The following GAS7 variants were observed in gnomAD, a reference collection of about 807,000 sequenced individuals.
The protein encoded by GAS7 is growth arrest specific 7.
Under a neutral mutation model 71.1 loss-of-function variants are expected in GAS7, and 28 were observed. That is an observed-to-expected ratio of 0.39 (90% CI 0.29 to 0.54). The LOEUF is 0.54. Ranked by LOEUF, GAS7 falls within the 20% of genes least tolerant of loss-of-function variation. GAS7 has a pLI of 0.62. For missense variants in GAS7, 436 were observed against 627.8 expected (o/e 0.69, Z 3.27); for synonymous variants, 258 against 245.8 (o/e 1.05, Z -0.46).
intron 1 of GAS7, among the ~76,000 whole-genome samples, chr17:10,088,407 C>A (rs1210454182): frequency 2.0e-5 from 3 of 152,020 alleles, no homozygotes; most frequent in Non-Finnish European, 1.5e-5. Flanking sequence ...ATTTTTGGCT[C>A]TAACACTCCA....
In GAS7 at chr17:9,974,434, C is replaced by T. The variant is rs534922809; in HGVS notation, c.386-4672G>A. 6.6e-6 allele frequency among the ~76,000 whole-genome samples: 1 copy of T among 151,468 alleles called. No individual in the cohort carries two copies. Among genetic ancestry groups the T allele is most frequent in the Non-Finnish European group, 1.5e-5 (1 of 67,642 alleles). On this transcript the variant is annotated intron_variant, in intron 3 of 13. Transcript: ENST00000432992. The surrounding 1 kb of genome is among the most constrained non-coding windows in gnomAD (Gnocchi z 4.0). Reference sequence around the variant, plus strand: ...AGGCGAGAAGTGGGTGCTTCTGGGGCCTCCAGCCTCTGGGGGAAGAAAAAT... The same window carrying T: ...AGGCGAGAAGTGGGTGCTTCTGGGGTCTCCAGCCTCTGGGGGAAGAAAAAT...
At chr17:9,940,762 C>T (rs2068575095) in intron 7 of GAS7, among the ~76,000 whole-genome samples, 1 of 152,238 alleles carries the variant, frequency 6.6e-6, no homozygotes, top group Non-Finnish European at 1.5e-5. Flanking sequence ...GATTCTATTT[C>T]CCTGGAGAGG....
chr17:10,134,884 G>C (rs1372180451), intron 1 of GAS7, among the ~76,000 whole-genome samples: 1 of 151,416 alleles, frequency 6.6e-6, no homozygotes, highest in African/African-American at 2.4e-5. Flanking sequence ...CCAGGCTGGA[G>C]TGCAGTGGTA....
intron 1 of GAS7, among the ~76,000 whole-genome samples, chr17:10,028,382 C>T (rs1273330545): frequency 1.3e-5 from 2 of 152,130 alleles, no homozygotes; most frequent in Non-Finnish European, 2.9e-5. Flanking sequence ...TAAATAAATA[C>T]ATTCCTGTTC....
chr17:10,054,715 T>A (rs527694225), intron 1 of GAS7, among the ~76,000 whole-genome samples: 55 of 152,302 alleles, frequency 3.6e-4, no homozygotes, highest in African/African-American at 1.3e-3. Context: ...GTCTGCTCCA[T>A]ACCACACATC....
Position 9,919,976 on chromosome 17 carries a change from T to TGTGTGTGTGC in GAS7, c.1139-272_1139-271insGCACACACAC, listed in dbSNP as rs2067741943. Reference sequence around the variant, plus strand: ...AGGATGGTGGTTCTCATTTTGTGTGTGTGTGTGTGTGTGTGTGTGTGTGTG... The same window carrying TGTGTGTGTGC: ...AGGATGGTGGTTCTCATTTTGTGTGTGTGTGTGTGCGTGTGTGTGTGTGTGTGTGTGTGTG... On this transcript the variant is annotated intron_variant, in intron 11 of 13. Transcript: ENST00000432992. The surrounding 1 kb of genome is among the most constrained non-coding windows in gnomAD (Gnocchi z 5.0). Among the ~76,000 whole-genome samples, 1 of 95,298 alleles carries TGTGTGTGTGC rather than the reference T, an allele frequency of 1.0e-5. No homozygotes were observed. The highest frequency in any genetic ancestry group is 3.3e-4 in the East Asian group (1 of 3,028). The allele number at this position is 95,298 out of a possible 152,430, so 62.5% of individuals were successfully genotyped here.
chr17:9,971,481 CTT>C (rs2069960810), intron 3 of GAS7, among the ~76,000 whole-genome samples: 1 of 152,114 alleles, frequency 6.6e-6, no homozygotes, highest in South Asian at 2.1e-4. Flanking sequence ...GGGAGGATAG[CTT>C]GAGCCTGGCA....
At chr17:10,001,145 A>G (rs1567874762) in intron 2 of GAS7, among the ~76,000 whole-genome samples, 1 of 152,126 alleles carries the variant, frequency 6.6e-6, no homozygotes, top group Non-Finnish European at 1.5e-5. Flanking sequence ...CCAAAATACA[A>G]CTAGAAGATT....
chr17:9,958,259 A>G (rs931945033), intron 5 of GAS7, among the ~76,000 whole-genome samples: 3 of 152,236 alleles, frequency 2.0e-5, no homozygotes, highest in African/African-American at 7.2e-5. Flanking sequence ...CTGACACTTC[A>G]TATAGCTAAT....
chr17:10,130,041 C>T (rs541400079), intron 1 of GAS7, among the ~76,000 whole-genome samples: 14 of 151,582 alleles, frequency 9.2e-5, no homozygotes, highest in Middle Eastern at 3.4e-3. Flanking sequence ...TGGTGGCGCG[C>T]GCCTGTAATC....
Position 9,981,953 on chromosome 17 carries a change from A to ATCTCCTTCTGCTCTGT in GAS7, c.305-70_305-69insACAGAGCAGAAGGAGA. ...GGGCAGAACCTGAGTTTCACAGAGC[A>ATCTCCTTCTGCTCTGT]GAAGGAGATGCTCAGAGCTGGAGAA... On this transcript the variant is annotated intron_variant, in intron 2 of 13. Transcript: ENST00000432992. The surrounding 1 kb of genome is among the most constrained non-coding windows in gnomAD (Gnocchi z 4.4). The ATCTCCTTCTGCTCTGT allele has an allele frequency of 1.2e-6, 1 of 867,456 alleles. No homozygotes were observed. The highest frequency in any genetic ancestry group is 2.0e-6 in the Non-Finnish European group (1 of 503,028). The allele number at this position is 867,456 out of a possible 1,614,324, so 53.7% of individuals were successfully genotyped here.
At chr17:10,166,883 C>T (rs1365281765) in intron 1 of GAS7, among the ~76,000 whole-genome samples, 3 of 152,104 alleles carry the variant, frequency 2.0e-5, no homozygotes, top group South Asian at 2.1e-4. Flanking sequence ...CCCGCAGGCA[C>T]ATTCGATCAA....
intron 1 of GAS7, among the ~76,000 whole-genome samples, chr17:10,083,167 C>T (rs1016044201): frequency 7.2e-5 from 11 of 152,174 alleles, no homozygotes; most frequent in East Asian, 3.8e-4. Context: ...TTTAAAAATA[C>T]GAATGGCAGA....
At chr17:10,139,004 G>A (rs577762228) in intron 1 of GAS7, among the ~76,000 whole-genome samples, 1 of 152,226 alleles carries the variant, frequency 6.6e-6, no homozygotes, top group South Asian at 2.1e-4. Context: ...ATCTATTTGT[G>A]CCTTTAAAAA....
intron 3 of GAS7, among the ~76,000 whole-genome samples, chr17:9,973,314 G>GT (rs1461634799): frequency 6.6e-6 from 1 of 151,730 alleles, no homozygotes; most frequent in Non-Finnish European, 1.5e-5. Flanking sequence ...GAGTGCAGTG[G>GT]GCGATCTCGG....
chr17:10,188,187 G>A (rs577437955), intron 1 of GAS7, among the ~76,000 whole-genome samples: 2 of 152,006 alleles, frequency 1.3e-5, no homozygotes, highest in East Asian at 3.9e-4. Context: ...AGGCTGCAGT[G>A]AGCCGAGATC....
intron 8 of GAS7, among the ~76,000 whole-genome samples, chr17:9,937,030 G>T (rs1236643520): frequency 6.6e-6 from 1 of 152,194 alleles, no homozygotes; most frequent in Non-Finnish European, 1.5e-5. Context: ...AGGAGATAGG[G>T]TTAAATGTCC....
At chr17:10,073,992 A>C (rs1004132711) in intron 1 of GAS7, among the ~76,000 whole-genome samples, 17 of 152,210 alleles carry the variant, frequency 1.1e-4, no homozygotes, top group African/African-American at 4.1e-4. Context: ...GGCACCTACT[A>C]TATGTCAGGC....
intron 1 of GAS7, among the ~76,000 whole-genome samples, chr17:10,101,464 C>T (rs2073697970): frequency 6.6e-6 from 1 of 152,204 alleles, no homozygotes; most frequent in South Asian, 2.1e-4. Context: ...TACTGTGTCC[C>T]GCCCACACTC....
Sources: gnomAD v4.1 joint callset for allele counts (sites outside exome capture counted in the v4.1 genomes callset) on GRCh38, gnomAD v4.1.1 for gene constraint, Gnocchi (gnomAD v3.1) non-coding constraint, MANE v1.5 for transcripts, NCBI Gene and HGNC (gene_info 2026-07-23, HGNC 2026-07-21) for gene names.